FHIP1A: variants seen among roughly 807,000 people sequenced by gnomAD.
FHIP1A encodes FHF complex subunit HOOK interacting protein 1A.
In FHIP1A, 61 loss-of-function variants were observed where a neutral mutation model predicts 88.6. The ratio of observed to expected loss-of-function variants is 0.69; its 90% confidence interval spans 0.56 to 0.85. The LOEUF (loss-of-function observed/expected upper bound fraction) is 0.85. FHIP1A is among the 40% of genes least tolerant of loss of function. The pLI is 0.00. For missense variants in FHIP1A, 1,154 were observed against 1,273.5 expected, an observed-to-expected ratio of 0.91 and a Z score of 1.43; for synonymous variants, 478 against 496.0, an observed-to-expected ratio of 0.96 and a Z score of 0.48.
At chr4:151,415,023 A>G (rs962871096) in intron 1 of FHIP1A, among the ~76,000 whole-genome samples, 4 of 152,116 alleles carry the variant, frequency 2.6e-5, no homozygotes, top group Admixed American at 6.5e-5. Context: ...GTGGTTGTTA[A>G]TAACTACTGG....
chr4:151,458,828 T>C (rs764022328), intron 2 of FHIP1A, among the ~76,000 whole-genome samples: 25 of 151,928 alleles, frequency 1.6e-4, no homozygotes, highest in Non-Finnish European at 2.8e-4. Flanking sequence ...CACCACAGAG[T>C]CGCTTTTCTT....
At chr4:151,646,026 G>A (rs886095639) in intron 9 of FHIP1A, among the ~76,000 whole-genome samples, 2 of 152,192 alleles carry the variant, frequency 1.3e-5, no homozygotes, top group Non-Finnish European at 2.9e-5. Context: ...TGCCTGCAAT[G>A]AGCCAGAGTT....
At chr4:151,617,662 G>T (rs559809856) in intron 7 of FHIP1A, among the ~76,000 whole-genome samples, 2 of 152,242 alleles carry the variant, frequency 1.3e-5, no homozygotes, top group South Asian at 4.1e-4. Flanking sequence ...GAGGTGGGGG[G>T]ATCACTTGAG....
At chr4:151,423,294 G>A (rs987301845) in intron 1 of FHIP1A, among the ~76,000 whole-genome samples, 2 of 151,798 alleles carry the variant, frequency 1.3e-5, no homozygotes, top group African/African-American at 4.8e-5. Flanking sequence ...TTTTCATATA[G>A]CTAATTTATT....
At position 151,668,339 on chromosome 4, in the gene FHIP1A, G is replaced by A. The variant is rs1308021665; in HGVS notation, c.*5585G>A. Reference sequence around the variant, plus strand: ...AATGAAAGATACAATATAAAATAGCGGGTCATGGCCATAAGCTGTGTCCTG... The same window carrying A: ...AATGAAAGATACAATATAAAATAGCAGGTCATGGCCATAAGCTGTGTCCTG... On this transcript the variant is annotated 3_prime_UTR_variant, in exon 14 of 14. Transcript: ENST00000435205. 6.6e-6 allele frequency among the ~76,000 whole-genome samples: 1 copy of A among 152,108 alleles called. No homozygotes were observed. Among genetic ancestry groups the A allele is most frequent in the Non-Finnish European group, 1.5e-5 (1 of 68,032 alleles).
In FHIP1A at chr4:151,567,658, T is replaced by C. The variant is rs568179048; in HGVS notation, c.105+1294T>C. ...GGTGAATCCTAAGGAATGAGCCCAG[T>C]AGTTCATTGGGTGTAGGAAGAATAT... On this transcript the variant is annotated intron_variant, in intron 4 of 13. Transcript: ENST00000435205. 8.5e-5 allele frequency among the ~76,000 whole-genome samples: 13 copies of C among 152,308 alleles called. No individual in the cohort carries two copies. The South Asian group carries it at 2.7e-3, about 32-fold the overall frequency.
intron 6 of FHIP1A, among the ~76,000 whole-genome samples, chr4:151,587,052 A>G (rs1025606563): frequency 3.9e-5 from 6 of 152,182 alleles, no homozygotes; most frequent in Admixed American, 3.9e-4. Context: ...TTGATTATCT[A>G]CTTAACCATC....
chr4:151,497,352 T>C (rs1730499685), intron 3 of FHIP1A, among the ~76,000 whole-genome samples: 1 of 152,256 alleles, frequency 6.6e-6, no homozygotes, highest in African/African-American at 2.4e-5. Context: ...TTCCCCAAAC[T>C]ATCTATGGCC....
Position 151,577,439 on chromosome 4 carries a change from C to G in FHIP1A, c.106-11C>G, listed in dbSNP as rs753262775. 1 of 1,510,216 alleles carries G rather than the reference C, an allele frequency of 6.6e-7. No homozygotes were observed. The highest frequency in any genetic ancestry group is 2.2e-5 in the Admixed American group (1 of 44,818). The allele number at this position is 1,510,216 out of a possible 1,614,324, so 93.6% of individuals were successfully genotyped here. ...CATCAGATGGATGACAAATGCTTGA[C>G]TTGGTTACAGGTTGTGAAAATCTTG... On this transcript the variant is annotated splice_polypyrimidine_tract_variant and intron_variant, in intron 4 of 13. Transcript: ENST00000435205.
intron 5 of FHIP1A, among the ~76,000 whole-genome samples, chr4:151,580,134 A>G (rs1054172188): frequency 1.3e-5 from 2 of 152,194 alleles, no homozygotes; most frequent in African/African-American, 4.8e-5. Context: ...ATATCCATCT[A>G]GCTATCAGGT....
At chr4:151,597,176 G>GT (rs1253363287) in intron 7 of FHIP1A, among the ~76,000 whole-genome samples, 25 of 152,204 alleles carry the variant, frequency 1.6e-4, no homozygotes, top group Admixed American at 1.6e-3. Flanking sequence ...TCTACCTTTG[G>GT]TTTTCGATGT....
chr4:151,643,097 T>C (rs1227067922), intron 9 of FHIP1A, among the ~76,000 whole-genome samples: 1 of 152,012 alleles, frequency 6.6e-6, no homozygotes, highest in Non-Finnish European at 1.5e-5. Context: ...AGTTTGATGA[T>C]AAATACCTAT....
intron 7 of FHIP1A, among the ~76,000 whole-genome samples, chr4:151,609,477 T>G (rs1324178066): frequency 6.6e-6 from 1 of 152,214 alleles, no homozygotes; most frequent in African/African-American, 2.4e-5. Context: ...AGAGCTATAC[T>G]GTGGACCAAC....
At chr4:151,515,217 C>T (rs1012208748) in intron 3 of FHIP1A, among the ~76,000 whole-genome samples, 8 of 148,928 alleles carry the variant, frequency 5.4e-5, no homozygotes, top group African/African-American at 1.8e-4. Flanking sequence ...ATGATTATCT[C>T]AATAGATGCA....
rs1737043221 is a variant in FHIP1A, at chr4:151,651,879, G to A, written c.2551+1287G>A. On this transcript the variant is annotated intron_variant, in intron 11 of 13. Coordinates refer to ENST00000435205, the MANE Select transcript of FHIP1A (RefSeq NM_001109977.3). ...TCTAGTTGAGATAACATTTCAGTCT[G>A]AATGAGTTTTAATTAAAATTCAATC... Among the ~76,000 whole-genome samples, 3 of 152,144 alleles carry A rather than the reference G, an allele frequency of 2.0e-5. No individual in the cohort carries two copies. The South Asian group carries it at 6.2e-4, about 32-fold the overall frequency.
At chr4:151,632,292 GTA>G (rs145961146) in intron 8 of FHIP1A, among the ~76,000 whole-genome samples, 11 of 150,472 alleles carry the variant, frequency 7.3e-5, no homozygotes, top group African/African-American at 7.3e-5. Flanking sequence ...ATATATATGT[GTA>G]TATATATATA....
chr4:151,547,370 A>G (rs775135068), intron 3 of FHIP1A, among the ~76,000 whole-genome samples: 1 of 152,178 alleles, frequency 6.6e-6, no homozygotes, highest in Non-Finnish European at 1.5e-5. Context: ...AAGCTATAAG[A>G]TCATCTAGTC....
intron 7 of FHIP1A, among the ~76,000 whole-genome samples, chr4:151,593,797 G>A (rs1734537295): frequency 6.6e-6 from 1 of 152,174 alleles, no homozygotes; most frequent in African/African-American, 2.4e-5. Context: ...CCACTATGAT[G>A]TTGAATAGGA....
intron 3 of FHIP1A, among the ~76,000 whole-genome samples, chr4:151,513,953 C>A (rs12499102): frequency 1.3e-5 from 2 of 150,240 alleles, no homozygotes; most frequent in Non-Finnish European, 3.0e-5. Flanking sequence ...CCAAGCGGAC[C>A]TAATAGACAT....
Sources: gnomAD v4.1 joint callset for allele counts (sites outside exome capture counted in the v4.1 genomes callset) on GRCh38, gnomAD v4.1.1 for gene constraint, MANE v1.5 for transcripts, NCBI Gene and HGNC (gene_info 2026-07-23, HGNC 2026-07-21) for gene names.